Variants in FMNL2 observed in about 807,000 individuals in gnomAD.
The protein encoded by FMNL2 is formin-like protein 2.
In FMNL2, 51 loss-of-function variants were observed where a neutral mutation model predicts 130.2. The ratio of observed to expected loss-of-function variants is 0.39; its 90% confidence interval spans 0.31 to 0.49. FMNL2 has a LOEUF of 0.49. FMNL2 is among the 20% of genes least tolerant of loss of function. The pLI is 0.85. For missense variants in FMNL2, 977 were observed against 1,316.2 expected, an observed-to-expected ratio of 0.74 and a Z score of 3.99; for synonymous variants, 465 against 467.1, an observed-to-expected ratio of 1.00 and a Z score of 0.06.
intron 1 of FMNL2, among the ~76,000 whole-genome samples, chr2:152,514,451 T>C (rs1296988518): frequency 1.3e-5 from 2 of 152,284 alleles, no homozygotes; most frequent in African/African-American, 4.8e-5. Flanking sequence ...TCTTTCCTTT[T>C]ACCTAAAATA....
At chr2:152,467,230 A>G (rs1689598502) in intron 1 of FMNL2, among the ~76,000 whole-genome samples, 1 of 151,966 alleles carries the variant, frequency 6.6e-6, no homozygotes, top group Non-Finnish European at 1.5e-5. Flanking sequence ...CTACCCCAGC[A>G]CCTTATTCTT....
rs1400540169 is a variant in FMNL2 at position 152,335,181 on chromosome 2, C to T, written c.-423C>T. ...GAGCGCGGAGCTGCATTTGTCTGCT[C>T]CAGGTGCTAGCCAGGCAGGCGCAGC... On this transcript the variant is annotated 5_prime_UTR_variant, in exon 1 of 26. Transcript: ENST00000288670. 1 of 153,460 alleles carries T rather than the reference C, an allele frequency of 6.5e-6. No individual in the cohort carries two copies. Among genetic ancestry groups the T allele is most frequent in the Non-Finnish European group, 1.4e-5 (1 of 68,994 alleles). The allele number at this position is 153,460 out of a possible 1,614,324, so 9.5% of individuals were successfully genotyped here. A position where few individuals can be genotyped will look rare whatever the true frequency, so the allele number is the denominator to read the frequency against.
intron 1 of FMNL2, among the ~76,000 whole-genome samples, chr2:152,339,591 T>C (rs1163957701): frequency 6.6e-6 from 1 of 152,226 alleles, no homozygotes. Flanking sequence ...TCTTAGCTGC[T>C]GTATCTTGTG....
At position 152,384,005 on chromosome 2, in the gene FMNL2, A is replaced by G. The variant is rs541008987; in HGVS notation, c.117+48285A>G. ...ACTGTAGGAACTATGTCTAGTAAAA[A>G]TCTCACTCTTGGCTTATATGCATTT... On this transcript the variant is annotated intron_variant, in intron 1 of 25. Coordinates refer to ENST00000288670, the MANE Select transcript of FMNL2 (RefSeq NM_052905.4). 9.8e-5 allele frequency among the ~76,000 whole-genome samples: 15 copies of G among 152,330 alleles called. No individual in the cohort carries two copies. In the East Asian group the frequency reaches 2.1e-3, roughly 22 times the overall value.
chr2:152,392,768 T>C (rs1191372483), intron 1 of FMNL2, among the ~76,000 whole-genome samples: 1 of 152,202 alleles, frequency 6.6e-6, no homozygotes, highest in Non-Finnish European at 1.5e-5. Flanking sequence ...TGTCACCTAT[T>C]GTCTGCCCTC....
chr2:152,642,175 C>CAA (rs1683148442), intron 25 of FMNL2, among the ~76,000 whole-genome samples: 1 of 152,150 alleles, frequency 6.6e-6, no homozygotes, highest in African/African-American at 2.4e-5. Context: ...CTCCTGACCT[C>CAA]GTGATCTGCC....
At chr2:152,389,268 T>A (rs890569142) in intron 1 of FMNL2, among the ~76,000 whole-genome samples, 17 of 152,268 alleles carry the variant, frequency 1.1e-4, no homozygotes, top group African/African-American at 4.1e-4. Flanking sequence ...ATCAGCAAAT[T>A]TGAGGGGAGG....
At chr2:152,580,826 T>C in intron 8 of FMNL2, 130 bp from the exon 9 acceptor site, 1 of 770,670 alleles carries the variant, frequency 1.3e-6, no homozygotes, top group Non-Finnish European at 2.1e-6. Context: ...TTGATTAAAC[T>C]GTACCTTAGT....
intron 12 of FMNL2, 48 bp from the exon 13 acceptor site, chr2:152,617,043 A>T (rs774212976): frequency 6.5e-7 from 1 of 1,546,462 alleles, no homozygotes; most frequent in Non-Finnish European, 8.9e-7. Flanking sequence ...CTGAGGGCTG[A>T]TCAAGATGAT....
Position 152,589,381 on chromosome 2 carries a change from T to A in FMNL2, c.876+8332T>A, listed in dbSNP as rs151283807. Among the ~76,000 whole-genome samples the A allele has an allele frequency of 3.2e-3, 493 of 152,316 alleles. 1 individual carries two copies. Among genetic ancestry groups the A allele is most frequent in the African/African-American group, 0.011 (478 of 41,566 alleles). The stretch of plus-strand genomic sequence containing the variant: ...GTTGCTGCCGTGTTATTTCTATTCC[T>A]ATAAAAATGCCGCTTCTAAAATGCA... On this transcript the variant is annotated intron_variant, in intron 9 of 25. Coordinates refer to ENST00000288670, the MANE Select transcript of FMNL2 (RefSeq NM_052905.4).
At chr2:152,510,564 T>C (rs939425040) in intron 1 of FMNL2, among the ~76,000 whole-genome samples, 11 of 152,232 alleles carry the variant, frequency 7.2e-5, no homozygotes, top group African/African-American at 2.7e-4. Context: ...GTGAATTAAC[T>C]TGTTGATTGT....
intron 6 of FMNL2, among the ~76,000 whole-genome samples, chr2:152,571,053 C>G (rs966241130): frequency 1.3e-5 from 2 of 152,192 alleles, no homozygotes; most frequent in African/African-American, 4.8e-5. Context: ...CCCTCCCTCT[C>G]CAGTTCCACA....
intron 9 of FMNL2, among the ~76,000 whole-genome samples, chr2:152,588,977 T>C (rs1352363059): frequency 6.6e-6 from 1 of 151,824 alleles, no homozygotes; most frequent in East Asian, 1.9e-4. Context: ...GTTTCAGAAA[T>C]CTTACCATTC....
chr2:152,416,173 A>C (rs1437985307), intron 1 of FMNL2, among the ~76,000 whole-genome samples: 1 of 152,176 alleles, frequency 6.6e-6, no homozygotes, highest in Non-Finnish European at 1.5e-5. Context: ...CAGAGGTACT[A>C]TTGAAACTTT....
At position 152,549,021 on chromosome 2, in the gene FMNL2, A is replaced by G; in HGVS notation, c.283A>G (p.Lys95Glu). Residue 95 changes from lysine to glutamate, a missense_variant and splice_region_variant, in exon 4 of 26, where the codon AAA becomes GAA. By Grantham distance (56) the Lys-to-Glu change is moderately conservative. Transcript: ENST00000288670. ...GAGAATATGTGTTCTTGAATTATAGAAATTCAGACGGCGTGTTCAAGAATC... is the reference window on the plus strand; with the variant it reads ...GAGAATATGTGTTCTTGAATTATAGGAATTCAGACGGCGTGTTCAAGAATC... ...GYLDPAVTRK[K>E]FRRRVQESTQ... 1 of 1,598,038 alleles carries G rather than the reference A, an allele frequency of 6.3e-7. No homozygotes were observed. The highest frequency in any genetic ancestry group is 8.5e-7 in the Non-Finnish European group (1 of 1,173,788).
Position 152,625,618 on chromosome 2 carries a change from T to C in FMNL2, c.1962+56T>C. ...TGCACTCTGTGCAGCAAAGCCGGCATGGGTGTTCTGTTAACCTGGAAGTGT... is the reference window on the plus strand; with the variant it reads ...TGCACTCTGTGCAGCAAAGCCGGCACGGGTGTTCTGTTAACCTGGAAGTGT... On this transcript the variant is annotated intron_variant, in intron 16 of 25. Coordinates refer to ENST00000288670, the MANE Select transcript of FMNL2 (RefSeq NM_052905.4). The C allele has an allele frequency of 3.2e-6, 5 of 1,547,016 alleles. No individual in the cohort carries two copies. In the South Asian group the frequency reaches 4.7e-5, roughly 15 times the overall value.
intron 2 of FMNL2, among the ~76,000 whole-genome samples, chr2:152,528,470 C>CT (rs1203765794): frequency 1.3e-5 from 2 of 152,142 alleles, no homozygotes; most frequent in Non-Finnish European, 2.9e-5. Context: ...TCTGGGCATT[C>CT]TTTGGCTTGT....
intron 12 of FMNL2, 49 bp from the exon 13 acceptor site, chr2:152,617,042 G>C: frequency 6.5e-7 from 1 of 1,538,484 alleles, no homozygotes; most frequent in Non-Finnish European, 9.0e-7. Flanking sequence ...ACTGAGGGCT[G>C]ATCAAGATGA....
At chr2:152,645,835 G>A (rs1255541636) in intron 25 of FMNL2, among the ~76,000 whole-genome samples, 1 of 152,168 alleles carries the variant, frequency 6.6e-6, no homozygotes, top group African/African-American at 2.4e-5. Flanking sequence ...TGAAGCGACT[G>A]AAAGCAGGTC....
Sources: allele counts gnomAD v4.1 joint callset (sites outside exome capture counted in the v4.1 genomes callset), GRCh38; gene constraint gnomAD v4.1.1; transcripts MANE v1.5; gene names NCBI Gene and HGNC (gene_info 2026-07-23, HGNC 2026-07-21).